The following RTN4RL1 variants were observed in gnomAD, a reference collection of about 807,000 sequenced individuals.
RTN4RL1 encodes the protein reticulon 4 receptor like 1.
In RTN4RL1, 7 loss-of-function variants were observed where a neutral mutation model predicts 25.6. The ratio of observed to expected loss-of-function variants is 0.27; its 90% CI spans 0.16 to 0.51. The LOEUF is 0.51. RTN4RL1 is among the 20% of genes least tolerant of loss of function. The pLI, the probability that RTN4RL1 is intolerant of heterozygous loss-of-function variation, is 0.97. For missense variants in RTN4RL1, 500 were observed against 615.6 expected, an observed-to-expected ratio of 0.81 and a Z score of 1.99; for synonymous variants, 297 against 288.2, an observed-to-expected ratio of 1.03 and a Z score of -0.31.
At position 1,945,025 on chromosome 17, in the gene RTN4RL1, C is replaced by CCACTG. The variant is rs568808587; in HGVS notation, c.14-7218_14-7217insCAGTG. ...TGCCACCCCCTCCTTCCCTCCCCAG[C>CCACTG]CGCAGTGGCCTCCCTGATACACCCT... On this transcript the variant is annotated intron_variant, in intron 1 of 1. Transcript: ENST00000331238. 2.2e-3 allele frequency among the ~76,000 whole-genome samples: 341 copies of CCACTG among 152,262 alleles called. 1 individual carries two copies. The highest frequency in any genetic ancestry group is 3.8e-3 in the Non-Finnish European group (259 of 68,024).
intron 1 of RTN4RL1, among the ~76,000 whole-genome samples, chr17:1,963,588 G>A (rs1251275214): frequency 6.6e-6 from 1 of 152,198 alleles, no homozygotes; most frequent in Non-Finnish European, 1.5e-5. Context: ...GTCATCACCT[G>A]GGCCTCTAGG....
chr17:1,997,857 CG>C (rs920107596), intron 1 of RTN4RL1, among the ~76,000 whole-genome samples: 1 of 152,174 alleles, frequency 6.6e-6, no homozygotes, highest in Non-Finnish European at 1.5e-5. Context: ...CGCAGACCCC[CG>C]ACCCCAGCTG....
In RTN4RL1 at chr17:1,936,016, C is replaced by T. The variant is rs1221752220; in HGVS notation, c.*480G>A. ...CAGGGTGACTGGCCTCAGGCAAGAGCCAAGATGCCACCTGCTCGTGTGTGC... is the reference window on the plus strand; with the variant it reads ...CAGGGTGACTGGCCTCAGGCAAGAGTCAAGATGCCACCTGCTCGTGTGTGC... On this transcript the variant is annotated 3_prime_UTR_variant, in exon 2 of 2. Coordinates refer to ENST00000331238, the MANE Select transcript of RTN4RL1 (RefSeq NM_178568.4). The T allele has an allele frequency of 2.0e-6, 2 of 988,568 alleles. No homozygotes were observed. Among genetic ancestry groups the T allele is most frequent in the East Asian group, 2.3e-4 (2 of 8,876 alleles). 61.2% of individuals were successfully genotyped at this position (988,568 alleles called of 1,614,324 possible). A position where few individuals can be genotyped will look rare whatever the true frequency, so the allele number is the denominator to read the frequency against.
At chr17:2,003,360 C>A (rs1022236259) in intron 1 of RTN4RL1, 6 of 152,304 alleles carry the variant, frequency 3.9e-5, no homozygotes, top group African/African-American at 1.4e-4. Flanking sequence ...GAGGCAAGCC[C>A]ACCGAGAAGA....
At chr17:2,024,662 G>T (rs1468041916) in intron 1 of RTN4RL1, among the ~76,000 whole-genome samples, 191 bp downstream of exon 1, 1 of 152,240 alleles carries the variant, frequency 6.6e-6, no homozygotes, top group East Asian at 1.9e-4. Flanking sequence ...AGAAAACCCC[G>T]TGTCTCACAA....
chr17:1,967,094 C>A (rs1416026641), intron 1 of RTN4RL1, among the ~76,000 whole-genome samples: 2 of 152,188 alleles, frequency 1.3e-5, no homozygotes, highest in Non-Finnish European at 2.9e-5. Context: ...GGAGGTGGTA[C>A]AGGTGGCAAC....
chr17:1,983,036 A>ATTC (rs751341203), intron 1 of RTN4RL1, among the ~76,000 whole-genome samples: 9 of 149,900 alleles, frequency 6.0e-5, no homozygotes, highest in East Asian at 2.0e-4. Flanking sequence ...GAGACCTCAC[A>ATTC]TTCTTCTTCT....
chr17:1,981,432 AT>A (rs949380965), intron 1 of RTN4RL1, among the ~76,000 whole-genome samples: 1 of 152,182 alleles, frequency 6.6e-6, no homozygotes, highest in East Asian at 1.9e-4. Flanking sequence ...CCATCTTGGT[AT>A]TTTTTTCTTT....
In RTN4RL1 at chr17:1,952,750, G is replaced by A. The variant is rs552866298; in HGVS notation, c.14-14942C>T. Reference sequence around the variant, plus strand: ...AACCATGTGCTCCTCTAGAGGAGCCGGGCTCCTCTCCTGCCGGGGGTGAGT... The same window carrying A: ...AACCATGTGCTCCTCTAGAGGAGCCAGGCTCCTCTCCTGCCGGGGGTGAGT... On this transcript the variant is annotated intron_variant, in intron 1 of 1. Coordinates refer to ENST00000331238, the MANE Select transcript of RTN4RL1 (RefSeq NM_178568.4). 1.7e-4 allele frequency among the ~76,000 whole-genome samples: 26 copies of A among 151,950 alleles called. No individual in the cohort carries two copies. In the South Asian group the frequency reaches 4.0e-3, roughly 23 times the overall value.
chr17:2,001,666 G>A (rs1024198894), intron 1 of RTN4RL1: 2 of 152,286 alleles, frequency 1.3e-5, no homozygotes, highest in African/African-American at 2.4e-5. Flanking sequence ...CATGCTGCAA[G>A]GTAGAACTGG....
intron 1 of RTN4RL1, among the ~76,000 whole-genome samples, chr17:1,986,051 G>C (rs918781597): frequency 2.6e-5 from 4 of 152,040 alleles, no homozygotes; most frequent in African/African-American, 7.2e-5. Context: ...TCTCCACCAA[G>C]ACACGAACCA....
intron 1 of RTN4RL1, among the ~76,000 whole-genome samples, chr17:1,947,832 G>A (rs974334422): frequency 6.6e-6 from 1 of 152,230 alleles, no homozygotes; most frequent in Admixed American, 6.5e-5. Context: ...ACCGGCCCCC[G>A]TGGCAGCACA....
At chr17:1,955,896 T>TG (rs1376515642) in intron 1 of RTN4RL1, among the ~76,000 whole-genome samples, 2 of 152,120 alleles carry the variant, frequency 1.3e-5, no homozygotes, top group Non-Finnish European at 2.9e-5. Flanking sequence ...AAATAAGACT[T>TG]GCCAGTTGTG....
intron 1 of RTN4RL1, among the ~76,000 whole-genome samples, chr17:1,970,777 G>A (rs1026349955): frequency 7.9e-5 from 12 of 152,162 alleles, no homozygotes; most frequent in African/African-American, 2.7e-4. Context: ...CTACCACCCT[G>A]TTTAGTTCAC....
At chr17:2,018,474 C>T (rs2067155906) in intron 1 of RTN4RL1, among the ~76,000 whole-genome samples, 1 of 152,176 alleles carries the variant, frequency 6.6e-6, no homozygotes, top group South Asian at 2.1e-4. Flanking sequence ...CAGAGAGGCT[C>T]CTGAGGAACC....
chr17:1,997,420 C>T (rs1216066650), intron 1 of RTN4RL1, among the ~76,000 whole-genome samples: 6 of 152,230 alleles, frequency 3.9e-5, no homozygotes, highest in African/African-American at 1.4e-4. Context: ...ATTCTCTACA[C>T]TGAGTCCAAC....
At chr17:1,960,209 G>A (rs1404329929) in intron 1 of RTN4RL1, among the ~76,000 whole-genome samples, 1 of 139,028 alleles carries the variant, frequency 7.2e-6, no homozygotes, top group Non-Finnish European at 1.6e-5. Context: ...CCTACCCTGG[G>A]CCACTCTCTT....
rs575744501 is a variant in RTN4RL1, at chr17:2,018,470, G to A, written c.13+6383C>T. Among the ~76,000 whole-genome samples, 7 of 152,342 alleles carry A rather than the reference G, an allele frequency of 4.6e-5. No individual in the cohort carries two copies. In the East Asian group the frequency reaches 1.3e-3, roughly 29 times the overall value. On this transcript the variant is annotated intron_variant, in intron 1 of 1. Coordinates refer to ENST00000331238, the MANE Select transcript of RTN4RL1 (RefSeq NM_178568.4). ...AGGAGTCCCAGATCCCAGCCAGAGA[G>A]GCTCCTGAGGAACCGCAGAGGGGAG...
chr17:1,964,610 T>A (rs940122236), intron 1 of RTN4RL1, among the ~76,000 whole-genome samples: 1 of 151,458 alleles, frequency 6.6e-6, no homozygotes, highest in East Asian at 2.0e-4. Flanking sequence ...CGGGCGCCTG[T>A]AGTCCCAGCT....
Sources: gnomAD v4.1 joint callset for allele counts (sites outside exome capture counted in the v4.1 genomes callset) on GRCh38, gnomAD v4.1.1 for gene constraint, MANE v1.5 for transcripts, NCBI Gene and HGNC (gene_info 2026-07-23, HGNC 2026-07-21) for gene names.